FAM135B: variants seen among roughly 807,000 people sequenced by gnomAD.
FAM135B encodes family with sequence similarity 135 member B.
Under a neutral mutation model 127.7 loss-of-function variants are expected in FAM135B, and 43 were observed. That is an observed-to-expected ratio of 0.34 (90% CI 0.26 to 0.43). FAM135B has a LOEUF of 0.43. FAM135B is among the 20% of genes least tolerant of loss of function. FAM135B has a pLI of 1.00. For missense variants in FAM135B, 1,558 were observed against 1,725.6 expected, an observed-to-expected ratio of 0.90 and a Z score of 1.72; for synonymous variants, 670 against 665.1, an observed-to-expected ratio of 1.01 and a Z score of -0.11.
chr8:138,327,985 A>G (rs547708919), intron 2 of FAM135B, among the ~76,000 whole-genome samples: 3 of 152,268 alleles, frequency 2.0e-5, no homozygotes, highest in Admixed American at 2.0e-4. Context: ...AAATGGCTGG[A>G]GCAAAAATTG....
intron 2 of FAM135B, among the ~76,000 whole-genome samples, chr8:138,350,372 G>C (rs983485510): frequency 6.6e-6 from 1 of 152,114 alleles, no homozygotes; most frequent in Non-Finnish European, 1.5e-5. Flanking sequence ...ATCAAATCCA[G>C]CTTAGGACAA....
intron 2 of FAM135B, among the ~76,000 whole-genome samples, chr8:138,315,391 C>T (rs1827007300): frequency 6.6e-6 from 1 of 152,082 alleles, no homozygotes; most frequent in Admixed American, 6.5e-5. Flanking sequence ...TTGGTATAGC[C>T]ATTATGAAAA....
chr8:138,184,678 T>C (rs1262262500), intron 9 of FAM135B, among the ~76,000 whole-genome samples: 2 of 152,156 alleles, frequency 1.3e-5, no homozygotes, highest in Non-Finnish European at 2.9e-5. Context: ...TTGAACCCTG[T>C]GTCCAGCTTC....
chr8:138,336,303 T>G (rs1828578699), intron 2 of FAM135B, among the ~76,000 whole-genome samples: 1 of 152,056 alleles, frequency 6.6e-6, no homozygotes, highest in African/African-American at 2.4e-5. Context: ...CTTCAAAAAA[T>G]CAATGAATCC....
chr8:138,191,563 T>C (rs1816126006), intron 9 of FAM135B, among the ~76,000 whole-genome samples: 1 of 152,160 alleles, frequency 6.6e-6, no homozygotes, highest in African/African-American at 2.4e-5. Context: ...CCCTAGGCTA[T>C]GTGCTGCATG....
At position 138,197,677 on chromosome 8, in the gene FAM135B, G is replaced by T. The variant is rs761352802; in HGVS notation, c.670-8C>A. On this transcript the variant is annotated splice_region_variant and splice_polypyrimidine_tract_variant and intron_variant, in intron 7 of 19. Coordinates refer to ENST00000395297, the MANE Select transcript of FAM135B (RefSeq NM_015912.4). ...GGTGATGTAGAAGCTTCCCTAAGGG[G>T]TGAAACAGAAACAGAGGCTGAGGAA... is the stretch of plus-strand genomic sequence containing the variant. 1.2e-6 allele frequency: 2 copies of T among 1,612,172 alleles called. No individual in the cohort carries two copies. Among genetic ancestry groups the T allele is most frequent in the South Asian group, 1.1e-5 (1 of 91,014 alleles).
intron 1 of FAM135B, among the ~76,000 whole-genome samples, chr8:138,442,267 T>TATGC (rs1554694342): frequency 2.3e-5 from 2 of 86,762 alleles, no homozygotes; most frequent in African/African-American, 8.9e-5. Context: ...TATATATATA[T>TATGC]ATATATATAT....
At position 138,346,190 on chromosome 8, in the gene FAM135B, T is replaced by C. The variant is rs375358034; in HGVS notation, c.77+21717A>G. Among the ~76,000 whole-genome samples the C allele has an allele frequency of 2.6e-5, 4 of 152,218 alleles. No homozygotes were observed. The East Asian group carries it at 5.8e-4, about 22-fold the overall frequency. On this transcript the variant is annotated intron_variant, in intron 2 of 19. Coordinates refer to ENST00000395297, the MANE Select transcript of FAM135B (RefSeq NM_015912.4). The stretch of plus-strand genomic sequence containing the variant: ...GGTTGCAGATAAAAAGGAACACTTT[T>C]ACACTGTTGGTGGGAATGTACATTA...
At chr8:138,463,795 C>T (rs1242806596) in intron 1 of FAM135B, among the ~76,000 whole-genome samples, 2 of 152,008 alleles carry the variant, frequency 1.3e-5, no homozygotes, top group Non-Finnish European at 2.9e-5. Context: ...TGAACTTGAC[C>T]CCTGAGCAAT....
At chr8:138,216,351 G>A (rs11996550) in intron 7 of FAM135B, among the ~76,000 whole-genome samples, 2,443 of 152,236 alleles carry the variant, frequency 0.016, 73 homozygotes, top group African/African-American at 0.052. Context: ...TCACACTCAT[G>A]ATATTTATTG....
intron 3 of FAM135B, among the ~76,000 whole-genome samples, chr8:138,308,662 C>T (rs879459657): frequency 4.0e-5 from 6 of 151,872 alleles, no homozygotes; most frequent in Admixed American, 6.6e-5. Context: ...CTCTGTGCAG[C>T]ACTATCTCAA....
intron 7 of FAM135B, among the ~76,000 whole-genome samples, chr8:138,225,848 T>C (rs1019306858): frequency 6.6e-6 from 1 of 152,164 alleles, no homozygotes; most frequent in Admixed American, 6.5e-5. Context: ...CCAACCCTCA[T>C]AGCAGCTGGC....
rs150524607 is a variant in FAM135B, at chr8:138,432,062, A to G, written c.-19-64060T>C. Among the ~76,000 whole-genome samples the G allele has an allele frequency of 7.5e-3, 1,144 of 152,326 alleles. 20 individuals carry two copies. The highest frequency in any genetic ancestry group is 0.025 in the African/African-American group (1,049 of 41,568). ...CCAGCACAACTGGCTAATACCCATC[A>G]GAACGATCCCTGGGGATGGGTGTAG... is the stretch of plus-strand genomic sequence containing the variant. On this transcript the variant is annotated intron_variant, in intron 1 of 19. Coordinates refer to ENST00000395297, the MANE Select transcript of FAM135B (RefSeq NM_015912.4).
At chr8:138,248,537 C>T (rs772813014) in intron 6 of FAM135B, among the ~76,000 whole-genome samples, 150 of 152,182 alleles carry the variant, frequency 9.9e-4, no homozygotes, top group Non-Finnish European at 1.8e-3. Flanking sequence ...TAAAAAATTT[C>T]GGCTGGGTGC....
rs35317285 is a variant in FAM135B at position 138,236,399 on chromosome 8, TACACAC to T, written c.669+6537_669+6542del. ...TAAATGGATAAAGAACACACACACA[TACACAC>T]ACACACACACACACACACACACATC... On this transcript the variant is annotated intron_variant, in intron 7 of 19. Transcript: ENST00000395297. Among the ~76,000 whole-genome samples, 710 of 144,712 alleles carry T rather than the reference TACACAC, an allele frequency of 4.9e-3. 6 individuals carry two copies. Among genetic ancestry groups the T allele is most frequent in the African/African-American group, 0.015 (607 of 39,808 alleles). The allele number at this position is 144,712 out of a possible 152,430, so 94.9% of individuals were successfully genotyped here.
At chr8:138,363,722 G>A (rs566901622) in intron 2 of FAM135B, among the ~76,000 whole-genome samples, 30 of 152,232 alleles carry the variant, frequency 2.0e-4, no homozygotes, top group African/African-American at 7.2e-4. Context: ...CCCTGATCAG[G>A]ACAAATTATC....
intron 5 of FAM135B, among the ~76,000 whole-genome samples, chr8:138,256,460 T>C (rs927641444): frequency 2.0e-5 from 3 of 152,102 alleles, no homozygotes; most frequent in African/African-American, 7.2e-5. Flanking sequence ...CAATAAGTTA[T>C]GAGATTTCTG....
chr8:138,410,615 A>T (rs968226314), intron 1 of FAM135B, among the ~76,000 whole-genome samples: 5 of 152,180 alleles, frequency 3.3e-5, no homozygotes, highest in Non-Finnish European at 7.3e-5. Flanking sequence ...AATGGCTATT[A>T]TTAAAAAGTC....
intron 2 of FAM135B, among the ~76,000 whole-genome samples, chr8:138,362,941 G>C (rs1296934651): frequency 6.6e-6 from 1 of 152,174 alleles, no homozygotes; most frequent in African/African-American, 2.4e-5. Context: ...AGCATGTACA[G>C]ATGTGCCTTA....
Sources: gnomAD v4.1 joint callset for allele counts (sites outside exome capture counted in the v4.1 genomes callset) on GRCh38, gnomAD v4.1.1 for gene constraint, MANE v1.5 for transcripts, NCBI Gene and HGNC (gene_info 2026-07-23, HGNC 2026-07-21) for gene names.